RBFOX1: variants seen among roughly 807,000 people sequenced by gnomAD.
The protein encoded by RBFOX1 is RNA binding fox-1 homolog 1.
RBFOX1 carries 8 observed loss-of-function variants against 57.7 expected under a neutral mutation model. The observed-to-expected ratio is 0.14, with a 90% confidence interval of 0.08 to 0.25. RBFOX1 has a LOEUF of 0.25. RBFOX1 is among the 10% of genes least tolerant of loss of function. RBFOX1 has a pLI of 1.00. For synonymous variants in RBFOX1, 326 were observed against 222.4 expected (o/e 1.47, Z -4.15); for missense variants, 611 against 548.5 (o/e 1.11, Z -1.14).
chr16:6,536,911 C>A (rs767142552), intron 2 of RBFOX1, among the ~76,000 whole-genome samples: 1 of 152,148 alleles, frequency 6.6e-6, no homozygotes, highest in African/African-American at 2.4e-5. Context: ...TATGACATAT[C>A]TAAATTATGT....
intron 1 of RBFOX1, among the ~76,000 whole-genome samples, chr16:5,365,552 C>T (rs2065688171): frequency 6.6e-6 from 1 of 152,084 alleles, no homozygotes. Flanking sequence ...GCCTGTAGTC[C>T]CAGCTACTTG....
intron 3 of RBFOX1, among the ~76,000 whole-genome samples, chr16:6,822,646 G>C (rs2154277857): frequency 6.6e-6 from 1 of 152,312 alleles, no homozygotes; most frequent in South Asian, 2.1e-4. Context: ...TATGAGGTTA[G>C]ACAACCCCAT....
At chr16:7,359,645 C>T (rs747592010) in intron 4 of RBFOX1, among the ~76,000 whole-genome samples, 8 of 152,144 alleles carry the variant, frequency 5.3e-5, no homozygotes, top group East Asian at 1.9e-4. Flanking sequence ...GTCTACAGCA[C>T]GTCTCTCCAT....
intron 3 of RBFOX1, among the ~76,000 whole-genome samples, chr16:6,715,089 C>T (rs1361019488): frequency 6.6e-6 from 1 of 152,084 alleles, no homozygotes; most frequent in Non-Finnish European, 1.5e-5. Context: ...CTGTGTGCGG[C>T]AGCAGGGAGT....
chr16:5,695,609 T>A (rs987682223), intron 3 of RBFOX1, among the ~76,000 whole-genome samples: 1 of 152,196 alleles, frequency 6.6e-6, no homozygotes, highest in African/African-American at 2.4e-5. Flanking sequence ...CACCTCCTTA[T>A]GTGATGCAAT....
At chr16:5,816,442 C>A (rs552797984) in intron 3 of RBFOX1, among the ~76,000 whole-genome samples, 2 of 152,288 alleles carry the variant, frequency 1.3e-5, no homozygotes, top group South Asian at 2.1e-4. Context: ...ACCATGCCAG[C>A]TGAACCCCAA....
At chr16:7,161,148 C>A (rs894277052) in intron 4 of RBFOX1, among the ~76,000 whole-genome samples, 1 of 152,086 alleles carries the variant, frequency 6.6e-6, no homozygotes, top group Non-Finnish European at 1.5e-5. Flanking sequence ...TAATTTTATA[C>A]CACTTTCTAT....
At chr16:6,141,458 C>G (rs1001447286) in intron 1 of RBFOX1, among the ~76,000 whole-genome samples, 2 of 152,142 alleles carry the variant, frequency 1.3e-5, no homozygotes, top group Non-Finnish European at 2.9e-5. Context: ...CAAAACCAAA[C>G]TCACCTCCAT....
intron 4 of RBFOX1, among the ~76,000 whole-genome samples, chr16:7,145,512 C>A (rs1039030072): frequency 6.6e-6 from 1 of 151,086 alleles, no homozygotes; most frequent in Non-Finnish European, 1.5e-5. Flanking sequence ...TGGGCTTCTT[C>A]CCCTTTTGCC....
intron 4 of RBFOX1, among the ~76,000 whole-genome samples, chr16:7,234,506 C>G (rs945259543): frequency 2.6e-5 from 4 of 151,818 alleles, no homozygotes; most frequent in African/African-American, 7.3e-5. Flanking sequence ...TTGTCTTCTA[C>G]CAGGAATATA....
intron 3 of RBFOX1, among the ~76,000 whole-genome samples, chr16:5,680,862 G>A (rs768004936): frequency 4.6e-5 from 7 of 151,688 alleles, no homozygotes; most frequent in Non-Finnish European, 1.0e-4. Flanking sequence ...TGAACAAGAC[G>A]TGCAAGTTCC....
intron 2 of RBFOX1, among the ~76,000 whole-genome samples, chr16:6,320,466 C>T (rs536900424): frequency 1.3e-5 from 2 of 152,146 alleles, no homozygotes; most frequent in East Asian, 3.9e-4. Flanking sequence ...AACCAAAAAC[C>T]ACCTGTACCC....
Position 7,205,427 on chromosome 16 carries a change from A to T in RBFOX1, c.27+153329A>T, listed in dbSNP as rs553598968. Among the ~76,000 whole-genome samples the T allele has an allele frequency of 2.0e-5, 3 of 151,794 alleles. No homozygotes were observed. In the South Asian group the frequency reaches 6.3e-4, roughly 32 times the overall value. ...CAGCTACTCGGGAGGCTAAGGCAGG[A>T]GAATGGCTTGAACCCAGGAGGTGGA... On this transcript the variant is annotated intron_variant, in intron 4 of 15. Transcript: ENST00000550418.
At chr16:6,334,816 T>TA (rs2083437417) in intron 2 of RBFOX1, among the ~76,000 whole-genome samples, 1 of 152,162 alleles carries the variant, frequency 6.6e-6, no homozygotes, top group South Asian at 2.1e-4. Context: ...GCAGGTAACA[T>TA]ATATACCAGC....
intron 3 of RBFOX1, among the ~76,000 whole-genome samples, chr16:6,954,758 C>G (rs1326065592): frequency 6.6e-6 from 1 of 152,072 alleles, no homozygotes; most frequent in Non-Finnish European, 1.5e-5. Context: ...TCCAGAGGAT[C>G]TTAAATCATC....
chr16:5,564,411 C>T (rs189525438), intron 2 of RBFOX1, among the ~76,000 whole-genome samples: 5 of 152,310 alleles, frequency 3.3e-5, no homozygotes, highest in Admixed American at 3.3e-4. Flanking sequence ...TCTCCTCCCA[C>T]TGAATTTGTC....
Position 5,906,571 on chromosome 16 carries a change from C to T in RBFOX1, c.351+39236C>T, listed in dbSNP as rs141947458. 4.3e-3 allele frequency among the ~76,000 whole-genome samples: 660 copies of T among 152,118 alleles called. 16 individuals carry two copies. Among genetic ancestry groups the T allele is most frequent in the Admixed American group, 0.036 (547 of 15,260 alleles). ...TGTCTGCAGGACTTTATTATGGCAG[C>T]CCTCCAAACGAATACTTGCAGGAAG... On this transcript the variant is annotated intron_variant, in intron 4 of 19. Coordinates refer to the RBFOX1 transcript ENST00000641259.
At chr16:5,785,484 T>C (rs779022896) in intron 3 of RBFOX1, among the ~76,000 whole-genome samples, 2 of 152,152 alleles carry the variant, frequency 1.3e-5, no homozygotes, top group Non-Finnish European at 1.5e-5. Context: ...TCAGGGTCTC[T>C]GCATGGTGTC....
intron 4 of RBFOX1, among the ~76,000 whole-genome samples, chr16:7,314,468 T>A (rs886322685): frequency 1.1e-4 from 16 of 152,308 alleles, no homozygotes; most frequent in African/African-American, 3.8e-4. Flanking sequence ...TGTGCGGTTG[T>A]GTATGTGTGT....
Sources: allele counts gnomAD v4.1 joint callset (sites outside exome capture counted in the v4.1 genomes callset), GRCh38; gene constraint gnomAD v4.1.1; transcripts MANE v1.5; gene names NCBI Gene and HGNC (gene_info 2026-07-23, HGNC 2026-07-21).